HDAC9: variants seen among roughly 807,000 people sequenced by gnomAD.
HDAC9 encodes the protein histone deacetylase 9.
A neutral mutation model predicts 139.4 loss-of-function variants in HDAC9; 41 were observed. That is an observed-to-expected ratio of 0.29 (90% CI 0.23 to 0.38). The LOEUF is 0.38. HDAC9 is among the 10% of genes least tolerant of loss of function. The probability of loss-of-function intolerance (pLI) is 1.00; values close to 1 mark genes in which losing one functional copy is unlikely to be tolerated. For missense variants in HDAC9, 1,147 were observed against 1,297.0 expected (o/e 0.88, Z 1.78); for synonymous variants, 517 against 476.2 (o/e 1.09, Z -1.12).
intron 11 of HDAC9, among the ~76,000 whole-genome samples, chr7:18,660,677 G>A (rs1228880576): frequency 6.6e-6 from 1 of 152,096 alleles, no homozygotes; most frequent in Non-Finnish European, 1.5e-5. Context: ...GATAATAACA[G>A]AGGTAAAATA....
At chr7:18,343,928 G>GTA (rs1488614438) in intron 1 of HDAC9, among the ~76,000 whole-genome samples, 1 of 151,834 alleles carries the variant, frequency 6.6e-6, no homozygotes, top group Non-Finnish European at 1.5e-5. Context: ...GTCTAGTCTA[G>GTA]TATAGTTCAG....
chr7:18,202,281 T>C (rs1791188858), intron 2 of HDAC9, among the ~76,000 whole-genome samples: 1 of 152,208 alleles, frequency 6.6e-6, no homozygotes, highest in Non-Finnish European at 1.5e-5. Context: ...GTTCCAGATA[T>C]TTTTCCAATG....
At chr7:18,570,590 T>G (rs1823951744) in intron 2 of HDAC9, among the ~76,000 whole-genome samples, 1 of 152,200 alleles carries the variant, frequency 6.6e-6, no homozygotes, top group Non-Finnish European at 1.5e-5. Context: ...GTGGTTGAGA[T>G]CATGGACTCT....
chr7:18,235,192 T>G (rs996881157), intron 2 of HDAC9, among the ~76,000 whole-genome samples: 2 of 152,230 alleles, frequency 1.3e-5, no homozygotes, highest in African/African-American at 4.8e-5. Context: ...TAATATGTTT[T>G]GCTTAAATGA....
intron 2 of HDAC9, among the ~76,000 whole-genome samples, chr7:18,216,417 T>G (rs1343586358): frequency 1.3e-5 from 2 of 152,186 alleles, no homozygotes; most frequent in African/African-American, 4.8e-5. Flanking sequence ...TGTTACAGTT[T>G]CTTCCTAATG....
chr7:18,385,134 A>G (rs1055301669), intron 1 of HDAC9, among the ~76,000 whole-genome samples: 13 of 152,196 alleles, frequency 8.5e-5, no homozygotes, highest in Admixed American at 7.2e-4. Context: ...TTATTTCCTT[A>G]TTATAGACAT....
At chr7:18,433,670 G>GAC (rs1385943357) in intron 1 of HDAC9, among the ~76,000 whole-genome samples, 1 of 151,986 alleles carries the variant, frequency 6.6e-6, no homozygotes, top group East Asian at 1.9e-4. Flanking sequence ...ATTCACAATA[G>GAC]ACACACACAC....
At chr7:18,884,020 A>C (rs554437950) in intron 22 of HDAC9, among the ~76,000 whole-genome samples, 1 of 152,202 alleles carries the variant, frequency 6.6e-6, no homozygotes, top group African/African-American at 2.4e-5. Flanking sequence ...ACTGAAAACT[A>C]TAAAATGTTG....
intron 2 of HDAC9, among the ~76,000 whole-genome samples, chr7:18,218,380 A>G (rs1156390625): frequency 5.1e-4 from 78 of 152,134 alleles, no homozygotes; most frequent in Non-Finnish European, 1.5e-5. Context: ...GGAGATGGAG[A>G]TTGTAGTGAG....
intron 2 of HDAC9, among the ~76,000 whole-genome samples, chr7:18,205,287 TA>T (rs1280387745): frequency 6.6e-6 from 1 of 151,984 alleles, no homozygotes; most frequent in African/African-American, 2.4e-5. Flanking sequence ...AAATTAGATA[TA>T]AAAATATTTT....
At chr7:18,707,995 A>T (rs1323251166) in intron 12 of HDAC9, among the ~76,000 whole-genome samples, 1 of 152,120 alleles carries the variant, frequency 6.6e-6, no homozygotes, top group Non-Finnish European at 1.5e-5. Flanking sequence ...AGCATGGATG[A>T]TTGATGGAGC....
At chr7:18,830,941 C>A (rs543897646) in intron 19 of HDAC9, among the ~76,000 whole-genome samples, 3 of 152,288 alleles carry the variant, frequency 2.0e-5, no homozygotes, top group African/African-American at 7.2e-5. Flanking sequence ...TGCTGTTCTG[C>A]ATAATTTGTA....
intron 2 of HDAC9, among the ~76,000 whole-genome samples, chr7:18,516,043 G>A (rs1026103703): frequency 2.7e-4 from 41 of 152,058 alleles, no homozygotes; most frequent in Admixed American, 1.4e-3. Context: ...TATTAACTAC[G>A]TCATACTTCA....
At chr7:18,573,261 C>T (rs140991437) in intron 2 of HDAC9, among the ~76,000 whole-genome samples, 52 of 152,282 alleles carry the variant, frequency 3.4e-4, no homozygotes, top group African/African-American at 1.2e-3. Context: ...TTAAATAATT[C>T]TTGTTATAAA....
At chr7:18,179,384 A>G (rs1789204637) in intron 2 of HDAC9, among the ~76,000 whole-genome samples, 2 of 152,214 alleles carry the variant, frequency 1.3e-5, no homozygotes, top group Admixed American at 6.5e-5. Flanking sequence ...GGTAAAGCTG[A>G]GGTCCTAAGG....
chr7:18,513,993 A>G (rs538884818), intron 2 of HDAC9, among the ~76,000 whole-genome samples: 1 of 152,190 alleles, frequency 6.6e-6, no homozygotes, highest in African/African-American at 2.4e-5. Context: ...GCCATGTCTG[A>G]CTTTGGCTTA....
In HDAC9 at chr7:18,736,525, A is replaced by G. The variant is rs192169067; in HGVS notation, c.1909+8768A>G. On this transcript the variant is annotated intron_variant, in intron 13 of 25. Coordinates refer to ENST00000686413, the MANE Select transcript of HDAC9 (RefSeq NM_178425.4). ...TTTTGTTGTTGGTTCCATTTATGTG[A>G]TGGATTACGTTTATTGATTTGTGTA... is the stretch of plus-strand genomic sequence containing the variant. Among the ~76,000 whole-genome samples the G allele has an allele frequency of 2.4e-3, 372 of 152,174 alleles. 4 individuals are homozygous for G. The highest frequency in any genetic ancestry group is 8.5e-3 in the African/African-American group (352 of 41,530).
At chr7:18,460,101 T>A (rs1220737113) in intron 1 of HDAC9, among the ~76,000 whole-genome samples, 4 of 152,082 alleles carry the variant, frequency 2.6e-5, no homozygotes, top group African/African-American at 9.7e-5. Flanking sequence ...TTTGACTTTT[T>A]GTAGAGACAG....
chr7:18,127,236 T>C (rs990693292), intron 1 of HDAC9: 2 of 169,610 alleles, frequency 1.2e-5, no homozygotes, highest in African/African-American at 4.8e-5. Context: ...AATACTTTTT[T>C]AGCATAAGTA....
Sources: allele counts gnomAD v4.1 joint callset (sites outside exome capture counted in the v4.1 genomes callset), GRCh38; gene constraint gnomAD v4.1.1; transcripts MANE v1.5; gene names NCBI Gene and HGNC (gene_info 2026-07-23, HGNC 2026-07-21).